Variants in LEMD2 observed in about 807,000 individuals in gnomAD.
LEMD2 encodes the protein LEM domain-containing protein 2.
In LEMD2, 34 loss-of-function variants were observed where a neutral mutation model predicts 58.8. That is an observed-to-expected ratio of 0.58 (90% CI 0.44 to 0.77). The LOEUF (loss-of-function observed/expected upper bound fraction) is 0.77. Among genes scored for constraint, LEMD2 ranks in the 30% least tolerant of loss-of-function variants. LEMD2 has a pLI of 0.00. For synonymous variants in LEMD2, 298 were observed against 308.9 expected (o/e 0.96, Z 0.37); for missense variants, 629 against 717.9 (o/e 0.88, Z 1.42).
chr6:33,788,308 C>G, intron 1 of LEMD2, 73 bp downstream of exon 1: 1 of 1,414,720 alleles, frequency 7.1e-7, no homozygotes, highest in African/African-American at 1.5e-5. Flanking sequence ...GGCCTGGCGC[C>G]GACAGGAACG....
Position 33,778,558 on chromosome 6 carries a change from G to A in LEMD2, c.1011-171C>T, listed in dbSNP as rs1767491690. ...TTCTTTCCAGAAATTTCCCACATTG[G>A]CTACTTAGAATGAATAAAGCTTTAA... is the stretch of plus-strand genomic sequence containing the variant. On this transcript the variant is annotated intron_variant, in intron 5 of 8. Transcript: ENST00000293760. The surrounding 1 kb of genome is among the most constrained non-coding windows in gnomAD (Gnocchi z 4.7). 1 of 466,384 alleles carries A rather than the reference G, an allele frequency of 2.1e-6. No homozygotes were observed. The highest frequency in any genetic ancestry group is 3.7e-6 in the Non-Finnish European group (1 of 272,424). The allele number at this position is 466,384 out of a possible 1,614,324, so 28.9% of individuals were successfully genotyped here.
chr6:33,772,655 G>A lies in LEMD2; in HGVS notation c.1485C>T (p.Pro495=). The stretch of plus-strand genomic sequence containing the variant: ...ATCGCTCTGAGTCAGAGAAGGAAGA[G>A]GGCTTAGTCCATCTCCACACCAGCA... The part of the protein sequence containing the change: ...EDMLVWRWTK[P]SSFSDSER Residue 495 remains proline (P), a synonymous_variant, in exon 9 of 9, where the codon CCC becomes CCT. Transcript: ENST00000293760. The A allele has an allele frequency of 6.2e-7, 1 of 1,614,016 alleles. No homozygotes were observed. Among genetic ancestry groups the A allele is most frequent in the Non-Finnish European group, 8.5e-7 (1 of 1,180,000 alleles).
chr6:33,772,275 C>G lies in LEMD2; in HGVS notation c.*353G>C. The G allele has an allele frequency of 5.5e-6, 1 of 181,096 alleles. No individual in the cohort carries two copies. The highest frequency in any genetic ancestry group is 1.2e-5 in the Non-Finnish European group (1 of 86,924). 11.2% of individuals were successfully genotyped at this position (181,096 alleles called of 1,614,324 possible). On this transcript the variant is annotated 3_prime_UTR_variant, in exon 9 of 9. Transcript: ENST00000293760. Reference sequence around the variant, plus strand: ...GCCCCACCTCCCAGGTGACAGACTCCCTGGCGTGGCCATGCCCCAGCCCAC... The same window carrying G: ...GCCCCACCTCCCAGGTGACAGACTCGCTGGCGTGGCCATGCCCCAGCCCAC...
chr6:33,774,632 G>A (rs187637913), intron 8 of LEMD2, among the ~76,000 whole-genome samples: 1 of 151,920 alleles, frequency 6.6e-6, no homozygotes, highest in African/African-American at 2.4e-5. Flanking sequence ...GTTTCACTAT[G>A]TTGCCCAGGC....
At position 33,778,264 on chromosome 6, in the gene LEMD2, G is replaced by A. The variant is rs149257586; in HGVS notation, c.1134C>T (p.Thr378=). The A allele has an allele frequency of 1.1e-4, 182 of 1,603,886 alleles. No homozygotes were observed. The highest frequency in any genetic ancestry group is 1.4e-4 in the Non-Finnish European group (166 of 1,174,758). ...RLSRALLTAV[T]NVLIFFWCLA... is the part of the protein sequence containing the mutation. ...TACACCAGAAGAAGATGAGCACGTT[G>A]GTGACAGCAGTGAGCAAGGCCCGGC... Residue 378 remains threonine (T), a synonymous_variant, in exon 6 of 9, where the codon ACC becomes ACT. Transcript: ENST00000293760. The surrounding 1 kb of genome is among the most constrained non-coding windows in gnomAD (Gnocchi z 4.7).
In LEMD2 at chr6:33,776,429, CT is replaced by C. The variant is rs1205334559; in HGVS notation, c.1361+524del. On this transcript the variant is annotated intron_variant, in intron 8 of 8. Coordinates refer to ENST00000293760, the MANE Select transcript of LEMD2 (RefSeq NM_181336.4). Reference sequence around the variant, plus strand: ...TGCTTATAAGACAACAATAGGCCTACTTTTCCCCTGCTGGCTGTGACAAGGC... The same window carrying C: ...TGCTTATAAGACAACAATAGGCCTACTTTCCCCTGCTGGCTGTGACAAGGC... Among the ~76,000 whole-genome samples the C allele has an allele frequency of 1.1e-4, 17 of 152,244 alleles. No individual in the cohort carries two copies. In the South Asian group the frequency reaches 3.3e-3, roughly 30 times the overall value.
intron 3 of LEMD2, among the ~76,000 whole-genome samples, chr6:33,783,008 A>G (rs1767599044): frequency 6.6e-6 from 1 of 152,180 alleles, no homozygotes; most frequent in South Asian, 2.1e-4. Context: ...CTAGGACCCA[A>G]TTTCGAGCAG....
In LEMD2 at chr6:33,786,524, T is replaced by C. The variant is rs10456420; in HGVS notation, c.777+210A>G. ...GAAAGTGTCCATAACAAGCCCAGGG[T>C]TGGATTTTGGGAGGTCAATTCTATT... On this transcript the variant is annotated intron_variant, in intron 2 of 8. Coordinates refer to ENST00000293760, the MANE Select transcript of LEMD2 (RefSeq NM_181336.4). Among the ~76,000 whole-genome samples the C allele has an allele frequency of 0.12, 17,749 of 152,200 alleles. 1,418 individuals are homozygous for C. Among genetic ancestry groups the C allele is most frequent in the Middle Eastern group, 0.22 (65 of 294 alleles).
rs1767443995 is a variant in LEMD2, at chr6:33,776,974, G to A, written c.1341C>T (p.Ser447=). 6.2e-7 allele frequency: 1 copy of A among 1,613,672 alleles called. No individual in the cohort carries two copies. Among genetic ancestry groups the A allele is most frequent in the African/African-American group, 1.3e-5 (1 of 74,926 alleles). ...CTCACCGGCTCTGTGGAGGGATCAA[G>A]CTGTCGCGCACGTGCAGGATGCCTA... ...PYVGILHVRD[S]LIPPQSRRRM... The change falls in exon 8 of 9, where the codon AGC becomes AGT. Residue 447 remains serine (S), a synonymous_variant. Coordinates refer to ENST00000293760, the MANE Select transcript of LEMD2 (RefSeq NM_181336.4).
Position 33,778,593 on chromosome 6 carries a change from C to A in LEMD2, c.1011-206G>T. The A allele has an allele frequency of 2.5e-6, 1 of 402,752 alleles. No individual in the cohort carries two copies. The highest frequency in any genetic ancestry group is 4.4e-6 in the Non-Finnish European group (1 of 228,838). 24.9% of individuals were successfully genotyped at this position (402,752 alleles called of 1,614,324 possible). On this transcript the variant is annotated intron_variant, in intron 5 of 8. Transcript: ENST00000293760. The surrounding 1 kb of genome is among the most constrained non-coding windows in gnomAD (Gnocchi z 4.7). ...ATGAATAAAGCTTTAAAGACGGCAGCAGGCTTGAACCCCTACCGCTAAAGC... is the reference window on the plus strand; with the variant it reads ...ATGAATAAAGCTTTAAAGACGGCAGAAGGCTTGAACCCCTACCGCTAAAGC...
intron 8 of LEMD2, among the ~76,000 whole-genome samples, chr6:33,775,776 T>TA (rs1209573206): frequency 6.6e-6 from 1 of 152,142 alleles, no homozygotes; most frequent in Non-Finnish European, 1.5e-5. Flanking sequence ...CCCTTATAGG[T>TA]AAAATGGGGC....
intron 3 of LEMD2, 88 bp from the exon 4 acceptor site, chr6:33,781,241 A>G: frequency 1.2e-6 from 1 of 826,120 alleles, no homozygotes; most frequent in South Asian, 1.5e-5. Flanking sequence ...TCAAGCCATC[A>G]GCTCTAATAA....
In LEMD2 at chr6:33,777,068, A is replaced by G. The variant is rs775462638; in HGVS notation, c.1259-12T>C. On this transcript the variant is annotated splice_polypyrimidine_tract_variant and intron_variant, in intron 7 of 8. Transcript: ENST00000293760. ...GTCCTGGACCACGTCTGCAGGAGAG[A>G]GCACACCATTTAGGGCAAGGACCCT... 1.2e-6 allele frequency: 2 copies of G among 1,612,986 alleles called. No homozygotes were observed. Among genetic ancestry groups the G allele is most frequent in the African/African-American group, 2.7e-5 (2 of 75,020 alleles).
At chr6:33,786,351 G>A (rs932151495) in intron 2 of LEMD2, among the ~76,000 whole-genome samples, 2 of 152,196 alleles carry the variant, frequency 1.3e-5, no homozygotes. Context: ...GACAGAGAAT[G>A]TGGAATTGAG....
In LEMD2 at chr6:33,778,108, T is replaced by C; in HGVS notation, c.1156+134A>G. ...CAGAGGCTGACTTGTTCATCTCCTC[T>C]GTTTTATGAGACAGACCTCAGGTTC... is the stretch of plus-strand genomic sequence containing the variant. On this transcript the variant is annotated intron_variant, in intron 6 of 8. Coordinates refer to ENST00000293760, the MANE Select transcript of LEMD2 (RefSeq NM_181336.4). This position sits in a 1 kb window ranked among gnomAD's most constrained non-coding sequence, Gnocchi z 4.7. 1 of 795,694 alleles carries C rather than the reference T, an allele frequency of 1.3e-6. No individual in the cohort carries two copies. The highest frequency in any genetic ancestry group is 1.8e-6 in the Non-Finnish European group (1 of 550,554). 49.3% of individuals were successfully genotyped at this position (795,694 alleles called of 1,614,324 possible).
chr6:33,782,001 G>A (rs1389584972), intron 3 of LEMD2: 1 of 152,284 alleles, frequency 6.6e-6, no homozygotes, highest in Admixed American at 6.5e-5. Context: ...GCATGCTGGG[G>A]AAGGGAGCAG....
intron 6 of LEMD2, 87 bp from the exon 7 acceptor site, chr6:33,777,326 G>T: frequency 1.1e-6 from 1 of 931,318 alleles, no homozygotes. Flanking sequence ...TGGATGCTGT[G>T]GGGGATCCAC....
At chr6:33,788,340 C>CG in intron 1 of LEMD2, 41 bp downstream of exon 1, 1 of 1,505,150 alleles carries the variant, frequency 6.6e-7, no homozygotes, top group Non-Finnish European at 8.9e-7. Flanking sequence ...GGCGGACACA[C>CG]GCGCGCCCAG....
chr6:33,786,245 A>G (rs935721464), intron 2 of LEMD2, among the ~76,000 whole-genome samples: 2 of 110,498 alleles, frequency 1.8e-5, no homozygotes, highest in Non-Finnish European at 4.1e-5. Context: ...CTAAATGTAG[A>G]CTAAGAGGGC....
Sources: gnomAD v4.1 joint callset for allele counts (sites outside exome capture counted in the v4.1 genomes callset) on GRCh38, gnomAD v4.1.1 for gene constraint, Gnocchi (gnomAD v3.1) non-coding constraint, MANE v1.5 for transcripts, NCBI Gene and HGNC (gene_info 2026-07-23, HGNC 2026-07-21) for gene names.